PTPRD: variants seen among roughly 807,000 people sequenced by gnomAD.
PTPRD encodes protein tyrosine phosphatase receptor type D.
In PTPRD, 34 loss-of-function variants were observed where a neutral mutation model predicts 214.5. That is an observed-to-expected ratio of 0.16 (90% CI 0.12 to 0.21). The LOEUF is 0.21. PTPRD is among the 10% of genes least tolerant of loss of function. PTPRD has a pLI of 1.00. For missense variants in PTPRD, 2,545 were observed against 2,398.7 expected (o/e 1.06, Z -1.27); for synonymous variants, 1,128 against 845.7 (o/e 1.33, Z -5.79).
At chr9:10,292,458 C>G (rs1228694968) in intron 3 of PTPRD, among the ~76,000 whole-genome samples, 1 of 151,936 alleles carries the variant, frequency 6.6e-6, no homozygotes, top group Admixed American at 6.6e-5. Context: ...GGAATAAAAG[C>G]AAAAGTCTCA....
chr9:9,788,575 A>C (rs1318097806), intron 5 of PTPRD, among the ~76,000 whole-genome samples: 2 of 151,752 alleles, frequency 1.3e-5, no homozygotes, highest in Non-Finnish European at 2.9e-5. Flanking sequence ...AGAAAGAAAA[A>C]AAAAAGAAAA....
At chr9:9,471,071 A>T (rs1457433896) in intron 8 of PTPRD, among the ~76,000 whole-genome samples, 1 of 152,194 alleles carries the variant, frequency 6.6e-6, no homozygotes, top group African/African-American at 2.4e-5. Context: ...AGAACTGATA[A>T]ATCTGTAAAA....
chr9:8,813,916 G>C (rs951189272), intron 11 of PTPRD, among the ~76,000 whole-genome samples: 1 of 152,178 alleles, frequency 6.6e-6, no homozygotes, highest in Non-Finnish European at 1.5e-5. Flanking sequence ...CCCTCTCCGA[G>C]TCTGAGTTAG....
At chr9:9,935,705 T>C (rs1347769114) in intron 5 of PTPRD, among the ~76,000 whole-genome samples, 1 of 143,826 alleles carries the variant, frequency 7.0e-6, no homozygotes, top group Non-Finnish European at 1.5e-5. Flanking sequence ...ATGACTTTCT[T>C]CACAGAATTG....
chr9:10,445,666 T>C (rs892486053), intron 2 of PTPRD, among the ~76,000 whole-genome samples: 1 of 152,066 alleles, frequency 6.6e-6, no homozygotes, highest in Admixed American at 6.6e-5. Context: ...GGACAAGGGC[T>C]GGCTTGAGAA....
At chr9:9,430,548 A>G (rs1187353817) in intron 8 of PTPRD, among the ~76,000 whole-genome samples, 1 of 152,220 alleles carries the variant, frequency 6.6e-6, no homozygotes, top group African/African-American at 2.4e-5. Flanking sequence ...ATTGGAAAAA[A>G]ACTACTTTAA....
intron 14 of PTPRD, among the ~76,000 whole-genome samples, chr9:8,568,282 C>T (rs896287195): frequency 6.6e-6 from 1 of 152,040 alleles, no homozygotes; most frequent in African/African-American, 2.4e-5. Flanking sequence ...AGACATTAAA[C>T]CAGGACCAAG....
intron 8 of PTPRD, among the ~76,000 whole-genome samples, chr9:9,404,918 G>T (rs2072656413): frequency 6.6e-6 from 1 of 152,162 alleles, no homozygotes; most frequent in South Asian, 2.1e-4. Context: ...CCTACTTTAT[G>T]CCACATTCTG....
intron 9 of PTPRD, among the ~76,000 whole-genome samples, chr9:9,266,674 A>T (rs2132476613): frequency 6.6e-6 from 1 of 151,470 alleles, no homozygotes; most frequent in Admixed American, 6.6e-5. Context: ...AGGTTTAAAT[A>T]AATGGAAATT....
At chr9:9,402,990 C>CAAAA (rs1569568021) in intron 8 of PTPRD, among the ~76,000 whole-genome samples, 3 of 92,930 alleles carry the variant, frequency 3.2e-5, no homozygotes, top group African/African-American at 8.4e-5. Context: ...AAAAAAAAAA[C>CAAAA]ACCAAAAAAA....
chr9:9,146,247 A>T (rs539083475), intron 10 of PTPRD, among the ~76,000 whole-genome samples: 1 of 151,482 alleles, frequency 6.6e-6, no homozygotes, highest in African/African-American at 2.4e-5. Context: ...GCTAAAAGTA[A>T]ATTTGTTATT....
At chr9:10,072,072 T>C (rs1005257125) in intron 3 of PTPRD, among the ~76,000 whole-genome samples, 7 of 152,054 alleles carry the variant, frequency 4.6e-5, no homozygotes, top group African/African-American at 1.4e-4. Flanking sequence ...AGATTAAACA[T>C]AGACTGGGAG....
chr9:9,222,157 G>T (rs1227049942), intron 9 of PTPRD, among the ~76,000 whole-genome samples: 1 of 151,848 alleles, frequency 6.6e-6, no homozygotes. Context: ...CTTATTGTAG[G>T]CAAAAGTAAT....
At chr9:8,540,824 T>C (rs1015219497) in intron 14 of PTPRD, among the ~76,000 whole-genome samples, 2 of 152,196 alleles carry the variant, frequency 1.3e-5, no homozygotes, top group Non-Finnish European at 2.9e-5. Context: ...CAAAATAAAG[T>C]GACTCAGATA....
rs868289758 is a variant in PTPRD, at chr9:8,865,166, A to T, written c.-103-131220T>A. Among the ~76,000 whole-genome samples the T allele has an allele frequency of 2.7e-5, 4 of 149,190 alleles. No individual in the cohort carries two copies. The South Asian group carries it at 8.5e-4, about 32-fold the overall frequency. ...ATCTATCATTCTTTCTTTAATCATA[A>T]TACAAACCATCCAGGGACAGTCCAA... is the stretch of plus-strand genomic sequence containing the variant. On this transcript the variant is annotated intron_variant, in intron 11 of 45. Transcript: ENST00000381196.
chr9:8,479,515 A>T (rs1311477989), intron 30 of PTPRD, among the ~76,000 whole-genome samples: 1 of 152,214 alleles, frequency 6.6e-6, no homozygotes, highest in Non-Finnish European at 1.5e-5. Context: ...ATAGAAGCGG[A>T]AAGTGCATAA....
At chr9:9,356,123 T>C (rs766105612) in intron 9 of PTPRD, among the ~76,000 whole-genome samples, 8 of 151,172 alleles carry the variant, frequency 5.3e-5, no homozygotes, top group Non-Finnish European at 1.0e-4. Context: ...AAAAGGAGTA[T>C]AGACATTAAT....
intron 9 of PTPRD, among the ~76,000 whole-genome samples, chr9:9,333,012 A>G (rs1039310697): frequency 1.3e-5 from 2 of 152,062 alleles, no homozygotes; most frequent in East Asian, 1.9e-4. Flanking sequence ...AAGCATGGAT[A>G]AGACACTGAA....
At chr9:8,425,397 C>A (rs768519152) in intron 35 of PTPRD, among the ~76,000 whole-genome samples, 12 of 152,028 alleles carry the variant, frequency 7.9e-5, no homozygotes, top group Non-Finnish European at 1.6e-4. Context: ...ATTGTTATGA[C>A]CTTTCAAGGG....
Sources: allele counts gnomAD v4.1 joint callset (sites outside exome capture counted in the v4.1 genomes callset), GRCh38; gene constraint gnomAD v4.1.1; transcripts MANE v1.5; gene names NCBI Gene and HGNC (gene_info 2026-07-23, HGNC 2026-07-21).